The following SLC24A2 variants were observed in gnomAD, a reference collection of about 807,000 sequenced individuals.
The protein encoded by SLC24A2 is sodium/potassium/calcium exchanger 2.
SLC24A2 carries 36 observed loss-of-function variants against 62.0 expected under a neutral mutation model. That is an observed-to-expected ratio of 0.58 (90% CI 0.44 to 0.77). The LOEUF (loss-of-function observed/expected upper bound fraction) is 0.77, where lower values mean the gene tolerates loss of function less well. Ranked by LOEUF, SLC24A2 falls within the 30% of genes least tolerant of loss-of-function variation. The pLI, the probability that SLC24A2 is intolerant of heterozygous loss-of-function variation, is 0.00. For synonymous variants in SLC24A2, 358 were observed against 294.0 expected (o/e 1.22, Z -2.23); for missense variants, 846 against 817.9 (o/e 1.03, Z -0.42).
intron 9 of SLC24A2, among the ~76,000 whole-genome samples, chr9:19,521,935 T>C (rs1438802236): frequency 2.6e-5 from 4 of 151,846 alleles, no homozygotes; most frequent in South Asian, 4.2e-4. Context: ...TTTTGGAAGG[T>C]TGGTCTAGCC....
the SLC24A2 span, among the ~76,000 whole-genome samples, chr9:19,828,910 A>G: frequency 7.9e-5 from 12 of 152,080 alleles, no homozygotes; most frequent in Non-Finnish European, 1.8e-4. Flanking sequence ...TTTGCAATCT[A>G]GGTGGGGCTA....
the SLC24A2 span, among the ~76,000 whole-genome samples, chr9:19,836,440 C>G: frequency 5.3e-5 from 8 of 152,166 alleles, no homozygotes; most frequent in Admixed American, 1.3e-4. Context: ...TCAGAGAATA[C>G]TACAAACACC....
At chr9:19,791,979 C>A (rs966819818), upstream of SLC24A2, among the ~76,000 whole-genome samples, 1 of 152,102 alleles carries the variant, frequency 6.6e-6, no homozygotes, top group Non-Finnish European at 1.5e-5. Flanking sequence ...ACAATGGGCT[C>A]TTTTTGTTTT....
Position 19,534,827 on chromosome 9 carries a change from A to C in SLC24A2, c.1480-6689T>G, listed in dbSNP as rs555650433. Among the ~76,000 whole-genome samples, 182 of 152,292 alleles carry C rather than the reference A, an allele frequency of 1.2e-3. 1 individual carries two copies. The highest frequency in any genetic ancestry group is 4.1e-3 in the African/African-American group (171 of 41,554). On this transcript the variant is annotated intron_variant, in intron 8 of 10. Coordinates refer to ENST00000341998, the MANE Select transcript of SLC24A2 (RefSeq NM_020344.4). ...AGTGCCACAATAAACATATGTGTAC[A>C]TGTGTCTTTATAGTAGAATGATTTA...
chr9:19,591,139 G>C (rs554965872), intron 5 of SLC24A2, among the ~76,000 whole-genome samples: 13 of 152,144 alleles, frequency 8.5e-5, no homozygotes, highest in Admixed American at 2.6e-4. Flanking sequence ...CAGTTCTGTA[G>C]CTTTTAAATA....
chr9:19,543,448 C>G (rs1307371195), intron 8 of SLC24A2, among the ~76,000 whole-genome samples: 1 of 148,310 alleles, frequency 6.7e-6, no homozygotes, highest in Non-Finnish European at 1.5e-5. Context: ...CTGCTCTGAT[C>G]TTAGTTATTT....
chr9:20,216,554 T>C, the SLC24A2 span, among the ~76,000 whole-genome samples: 1 of 152,192 alleles, frequency 6.6e-6, no homozygotes, highest in Non-Finnish European at 1.5e-5. Context: ...ATAGGTGATC[T>C]GGGGGCTTTC....
chr9:20,182,641 G>A, the SLC24A2 span, among the ~76,000 whole-genome samples: 1 of 152,118 alleles, frequency 6.6e-6, no homozygotes, highest in African/African-American at 2.4e-5. Flanking sequence ...GTCGGGGCGG[G>A]GGTGCTGGCA....
At chr9:20,150,318 G>A in the SLC24A2 span, among the ~76,000 whole-genome samples, 3 of 151,922 alleles carry the variant, frequency 2.0e-5, no homozygotes, top group Non-Finnish European at 4.4e-5. Flanking sequence ...TCTTATATCA[G>A]CAAGAGACAG....
chr9:19,810,371 CTG>C, the SLC24A2 span, among the ~76,000 whole-genome samples: 1 of 152,186 alleles, frequency 6.6e-6, no homozygotes, highest in Non-Finnish European at 1.5e-5. Context: ...TAAAAAGTGT[CTG>C]TTTTTAGAGA....
chr9:19,567,571 G>T (rs1335583638), intron 7 of SLC24A2, among the ~76,000 whole-genome samples: 1 of 144,052 alleles, frequency 6.9e-6, no homozygotes, highest in Non-Finnish European at 1.5e-5. Flanking sequence ...AAAAGGTAAG[G>T]AATATGTTCT....
chr9:19,629,118 G>A (rs1818109700), intron 2 of SLC24A2, among the ~76,000 whole-genome samples: 1 of 152,054 alleles, frequency 6.6e-6, no homozygotes, highest in South Asian at 2.1e-4. Context: ...CAACACATGA[G>A]GACCCTGAAG....
chr9:19,840,572 A>T, the SLC24A2 span, among the ~76,000 whole-genome samples: 1 of 152,200 alleles, frequency 6.6e-6, no homozygotes, highest in Non-Finnish European at 1.5e-5. Context: ...AATTGGGATT[A>T]CAGATTGTTT....
In SLC24A2 at chr9:19,513,174, A is replaced by G. The variant is rs1278857109; in HGVS notation, c.*2979T>C. On this transcript the variant is annotated 3_prime_UTR_variant, in exon 11 of 11. Transcript: ENST00000341998. ...TAAAGATATATATATATATATATAT[A>G]TGTATATATATATATATGTATATAT... 5 of 59,022 alleles carry G rather than the reference A, an allele frequency of 8.5e-5. No homozygotes were observed. Among genetic ancestry groups the G allele is most frequent in the African/African-American group, 1.3e-4 (2 of 15,178 alleles). 3.7% of individuals were successfully genotyped at this position (59,022 alleles called of 1,614,324 possible). A position where few individuals can be genotyped will look rare whatever the true frequency, so the allele number is the denominator to read the frequency against.
chr9:19,947,368 A>AGAAG, the SLC24A2 span, among the ~76,000 whole-genome samples: 8 of 150,594 alleles, frequency 5.3e-5, no homozygotes, highest in African/African-American at 2.0e-4. Flanking sequence ...AAGGAAGGAA[A>AGAAG]GAAGGAAGGA....
the SLC24A2 span, among the ~76,000 whole-genome samples, chr9:20,017,929 T>A: frequency 6.6e-6 from 1 of 152,132 alleles, no homozygotes; most frequent in Non-Finnish European, 1.5e-5. Flanking sequence ...CTCACAGACA[T>A]ATCCAGGAAC....
chr9:19,619,674 G>C lies in SLC24A2; in HGVS notation c.988C>G (p.Arg330Gly), dbSNP rs1444111756. The C allele has an allele frequency of 6.2e-7, 1 of 1,613,528 alleles. No individual in the cohort carries two copies. ...PTLPAKPRLQ[R>G]GGSSASLHNS... ...TGGAGGGAGGCAGAGCTTCCACCTC[G>C]CTGGAGACGCGGCTTAGCCTGAGCA... The change falls in exon 4 of 11, where the codon CGA becomes GGA. Residue 330 changes from arginine to glycine, a missense_variant. Coordinates refer to ENST00000341998, the MANE Select transcript of SLC24A2 (RefSeq NM_020344.4).
rs1339544591 is a variant in SLC24A2, at chr9:19,514,490, C to T, written c.*1663G>A. 6.6e-6 allele frequency: 1 copy of T among 152,140 alleles called. No individual in the cohort carries two copies. Among genetic ancestry groups the T allele is most frequent in the African/African-American group, 2.4e-5 (1 of 41,432 alleles). 9.4% of individuals were successfully genotyped at this position (152,140 alleles called of 1,614,324 possible). ...AAAGAAAAGTGCTCTACATAGTTTT[C>T]CATTGATTCAGTTTGCCTATTTTTT... is the stretch of plus-strand genomic sequence containing the variant. On this transcript the variant is annotated 3_prime_UTR_variant, in exon 11 of 11. Transcript: ENST00000341998.
the SLC24A2 span, among the ~76,000 whole-genome samples, chr9:19,946,382 T>C: frequency 6.3e-3 from 965 of 152,278 alleles, 21 homozygotes; most frequent in Middle Eastern, 0.031. Flanking sequence ...GGGCCTTGAG[T>C]TTCCCACATT....
Sources: gnomAD v4.1 joint callset for allele counts (sites outside exome capture counted in the v4.1 genomes callset) on GRCh38, gnomAD v4.1.1 for gene constraint, MANE v1.5 for transcripts, NCBI Gene and HGNC (gene_info 2026-07-23, HGNC 2026-07-21) for gene names.